The following DNM3 variants were observed in gnomAD, a reference collection of about 807,000 sequenced individuals.
The protein encoded by DNM3 is dynamin-3.
In DNM3, 47 loss-of-function variants were observed where a neutral mutation model predicts 101.6. The ratio of observed to expected loss-of-function variants is 0.46; its 90% confidence interval spans 0.37 to 0.59. The LOEUF is 0.59. Among genes scored for constraint, DNM3 ranks in the 20% least tolerant of loss-of-function variants. DNM3 has a pLI of 0.00. For missense variants in DNM3, 849 were observed against 1,085.7 expected, an observed-to-expected ratio of 0.78 and a Z score of 3.06; for synonymous variants, 385 against 387.9, an observed-to-expected ratio of 0.99 and a Z score of 0.09.
chr1:172,079,900 G>C (rs1401379144), intron 11 of DNM3, among the ~76,000 whole-genome samples: 1 of 152,136 alleles, frequency 6.6e-6, no homozygotes, highest in Non-Finnish European at 1.5e-5. Context: ...GTCTGCTGGA[G>C]TTTGCTAGAG....
rs534372672 is a variant in DNM3, at chr1:172,093,559, A to G, written c.1545+684A>G. ...GTTATAGTTTTTAAAAAACTTTCAGAGGTACAATTATTGAACAAATTGAAA... is the reference window on the plus strand; with the variant it reads ...GTTATAGTTTTTAAAAAACTTTCAGGGGTACAATTATTGAACAAATTGAAA... On this transcript the variant is annotated intron_variant, in intron 13 of 20. Transcript: ENST00000627582. 12 of 634,276 alleles carry G rather than the reference A, an allele frequency of 1.9e-5. No individual in the cohort carries two copies. The East Asian group carries it at 3.1e-4, about 17-fold the overall frequency. 39.3% of individuals were successfully genotyped at this position (634,276 alleles called of 1,614,324 possible).
chr1:172,388,844 G>C (rs200660313), intron 20 of DNM3, 35 bp downstream of exon 20: 1 of 1,480,548 alleles, frequency 6.8e-7, no homozygotes, highest in Admixed American at 2.0e-5. Flanking sequence ...GGGGTAGTGC[G>C]CCTTGGTTCT....
intron 2 of DNM3, among the ~76,000 whole-genome samples, chr1:171,935,930 T>C (rs1051074120): frequency 6.6e-6 from 1 of 151,954 alleles, no homozygotes; most frequent in Non-Finnish European, 1.5e-5. Context: ...GGTAATTTGA[T>C]GAACTCCTGA....
chr1:172,163,956 T>TAC (rs10536417), intron 14 of DNM3, among the ~76,000 whole-genome samples: 1,782 of 147,292 alleles, frequency 0.012, 23 homozygotes, highest in Non-Finnish European at 0.011. Flanking sequence ...TACATATATA[T>TAC]ACACACACAC....
chr1:172,297,418 T>C (rs914963701), intron 15 of DNM3, among the ~76,000 whole-genome samples: 31 of 152,264 alleles, frequency 2.0e-4, no homozygotes, highest in African/African-American at 7.2e-4. Flanking sequence ...TAATTAGGAT[T>C]GTAAGTGTAT....
chr1:172,103,648 A>C (rs1339206713), intron 13 of DNM3, among the ~76,000 whole-genome samples: 1 of 152,150 alleles, frequency 6.6e-6, no homozygotes, highest in African/African-American at 2.4e-5. Flanking sequence ...ATTTTATATA[A>C]TTTTTGATAA....
At chr1:171,909,610 G>A (rs918012318) in intron 1 of DNM3, among the ~76,000 whole-genome samples, 11 of 152,084 alleles carry the variant, frequency 7.2e-5, no homozygotes, top group African/African-American at 2.7e-4. Flanking sequence ...CTTGACTAGT[G>A]CTCTTTCCAT....
intron 14 of DNM3, among the ~76,000 whole-genome samples, chr1:172,192,790 G>C (rs1321172165): frequency 6.6e-6 from 1 of 151,428 alleles, no homozygotes; most frequent in Non-Finnish European, 1.5e-5. Flanking sequence ...TGGACATTTG[G>C]GTTGGTTCCA....
chr1:172,081,458 C>T (rs184350391), intron 11 of DNM3, among the ~76,000 whole-genome samples: 76 of 152,252 alleles, frequency 5.0e-4, no homozygotes, highest in South Asian at 2.5e-3. Context: ...GTAAGCTCAG[C>T]GCAACCCCTC....
chr1:172,407,849 G>T lies in DNM3; in HGVS notation c.*8G>T, dbSNP rs757695315. The T allele has an allele frequency of 6.8e-6, 11 of 1,612,888 alleles. No homozygotes were observed. Among genetic ancestry groups the T allele is most frequent in the Middle Eastern group, 1.6e-4 (1 of 6,080 alleles). On this transcript the variant is annotated 3_prime_UTR_variant, in exon 21 of 21. Transcript: ENST00000627582. ...TCCTCCCTGTTAGACTAAACGAAGT[G>T]TCTGGCATGGCAATTAATCACTAAT...
chr1:172,129,997 G>A (rs1238584401), intron 13 of DNM3, among the ~76,000 whole-genome samples: 4 of 152,126 alleles, frequency 2.6e-5, no homozygotes, highest in African/African-American at 4.8e-5. Flanking sequence ...AATCAAGGGT[G>A]ACAGGGGCTG....
At chr1:172,353,839 T>C (rs986665863) in intron 17 of DNM3, among the ~76,000 whole-genome samples, 15 of 152,288 alleles carry the variant, frequency 9.8e-5, no homozygotes, top group African/African-American at 3.4e-4. Flanking sequence ...TCATACAAAG[T>C]ATATATTCAT....
chr1:171,956,291 T>A (rs1024286508), intron 2 of DNM3, among the ~76,000 whole-genome samples: 1 of 152,152 alleles, frequency 6.6e-6, no homozygotes, highest in Non-Finnish European at 1.5e-5. Context: ...ACTTCCTAGA[T>A]ACAATGGGGG....
At chr1:171,999,939 G>A (rs1363272648) in intron 4 of DNM3, among the ~76,000 whole-genome samples, 2 of 152,042 alleles carry the variant, frequency 1.3e-5, no homozygotes, top group Non-Finnish European at 2.9e-5. Context: ...TGACACTACC[G>A]ACAGCTGGAT....
chr1:171,890,731 G>A (rs1030223773), intron 1 of DNM3, among the ~76,000 whole-genome samples: 8 of 152,066 alleles, frequency 5.3e-5, no homozygotes, highest in African/African-American at 1.9e-4. Context: ...TATGGGGCAT[G>A]GGAAATATGT....
rs186890479 is a variant in DNM3 at position 172,398,776 on chromosome 1, T to C, written c.2523-8996T>C. Among the ~76,000 whole-genome samples the C allele has an allele frequency of 7.4e-4, 112 of 152,330 alleles. 1 individual carries two copies. Among genetic ancestry groups the C allele is most frequent in the Admixed American group, 2.2e-3 (33 of 15,288 alleles). ...ATGCCTAAAAGACATATGGTTTTCA[T>C]AGATTTTCCGTCTAGACTAGCTTTA... On this transcript the variant is annotated intron_variant, in intron 20 of 20. Transcript: ENST00000627582.
At chr1:172,315,384 C>T (rs1258343483) in intron 16 of DNM3, among the ~76,000 whole-genome samples, 4 of 152,220 alleles carry the variant, frequency 2.6e-5, no homozygotes, top group African/African-American at 7.2e-5. Context: ...CAAAGCTGGA[C>T]ATAGAATTAC....
At chr1:172,264,533 C>T (rs894301016) in intron 15 of DNM3, among the ~76,000 whole-genome samples, 5 of 152,136 alleles carry the variant, frequency 3.3e-5, no homozygotes, top group South Asian at 2.1e-4. Context: ...GATGAGGTTA[C>T]GCTTGATTAA....
intron 14 of DNM3, among the ~76,000 whole-genome samples, chr1:172,132,240 T>A (rs922379556): frequency 6.6e-6 from 1 of 152,190 alleles, no homozygotes; most frequent in African/African-American, 2.4e-5. Flanking sequence ...CCTTTGTCAT[T>A]CCTTGGAGGA....
Sources: gnomAD v4.1 joint callset for allele counts (sites outside exome capture counted in the v4.1 genomes callset) on GRCh38, gnomAD v4.1.1 for gene constraint, MANE v1.5 for transcripts, NCBI Gene and HGNC (gene_info 2026-07-23, HGNC 2026-07-21) for gene names.